Variants in PDZRN3 observed in about 807,000 individuals in gnomAD.
The protein encoded by PDZRN3 is E3 ubiquitin-protein ligase PDZRN3.
In PDZRN3, 38 loss-of-function variants were observed where a neutral mutation model predicts 85.7. The ratio of observed to expected loss-of-function variants is 0.44; its 90% CI spans 0.34 to 0.58. PDZRN3 has a LOEUF of 0.58. Ranked by LOEUF, PDZRN3 falls within the 20% of genes least tolerant of loss-of-function variation. The probability of loss-of-function intolerance (pLI) is 0.01; values close to 1 mark genes in which losing one functional copy is unlikely to be tolerated. For synonymous variants in PDZRN3, 759 were observed against 638.0 expected (o/e 1.19, Z -2.86); for missense variants, 1,629 against 1,506.4 (o/e 1.08, Z -1.35).
chr3:73,531,856 T>C (rs1448441781), intron 3 of PDZRN3, among the ~76,000 whole-genome samples: 1 of 152,130 alleles, frequency 6.6e-6, no homozygotes, highest in Non-Finnish European at 1.5e-5. Context: ...AGCACATACA[T>C]CTCCACCCAA....
intron 3 of PDZRN3, among the ~76,000 whole-genome samples, chr3:73,597,145 T>A (rs1702441126): frequency 6.6e-6 from 1 of 152,162 alleles, no homozygotes; most frequent in South Asian, 2.1e-4. Context: ...TAATTCACAT[T>A]CCATTTTGCA....
At chr3:73,506,331 A>T (rs1704070148) in intron 3 of PDZRN3, among the ~76,000 whole-genome samples, 1 of 152,194 alleles carries the variant, frequency 6.6e-6, no homozygotes, top group African/African-American at 2.4e-5. Flanking sequence ...GAAAAGGCAA[A>T]CCATATTCAG....
intron 3 of PDZRN3, among the ~76,000 whole-genome samples, chr3:73,516,626 A>G (rs369983739): frequency 1.9e-4 from 29 of 152,334 alleles, no homozygotes; most frequent in African/African-American, 6.5e-4. Context: ...TTATATAGTC[A>G]AATGACCAAT....
At position 73,391,134 on chromosome 3, in the gene PDZRN3, T is replaced by C. The variant is rs372927410; in HGVS notation, c.1255-18A>G. 8 of 1,519,664 alleles carry C rather than the reference T, an allele frequency of 5.3e-6. No homozygotes were observed. The highest frequency in any genetic ancestry group is 7.3e-6 in the Non-Finnish European group (8 of 1,095,454). 94.1% of individuals were successfully genotyped at this position (1,519,664 alleles called of 1,614,324 possible). A position where few individuals can be genotyped will look rare whatever the true frequency, so the allele number is the denominator to read the frequency against. On this transcript the variant is annotated intron_variant, in intron 5 of 9. Transcript: ENST00000263666. ...TCCACTTCCTAGACAAAGAAAGGCA[T>C]TCCCAGTGAGACTCCAGCAGGCAAT...
chr3:73,385,144 C>T (rs1029182323), intron 9 of PDZRN3, among the ~76,000 whole-genome samples: 4 of 152,188 alleles, frequency 2.6e-5, no homozygotes, highest in African/African-American at 9.6e-5. Flanking sequence ...TTCTTGTCCT[C>T]AGTTTTGTAA....
intron 3 of PDZRN3, chr3:73,407,927 G>A: frequency 1.7e-6 from 1 of 574,170 alleles, no homozygotes; most frequent in East Asian, 2.9e-5. Context: ...GGTTACAGAG[G>A]GAAGAGCAGT....
chr3:73,395,930 A>G (rs1482726619), intron 5 of PDZRN3, among the ~76,000 whole-genome samples: 1 of 152,214 alleles, frequency 6.6e-6, no homozygotes, highest in African/African-American at 2.4e-5. Context: ...AAAGACAAGA[A>G]GTAAATAATG....
intron 3 of PDZRN3, among the ~76,000 whole-genome samples, chr3:73,597,338 G>A (rs1395981906): frequency 1.3e-5 from 2 of 152,110 alleles, no homozygotes; most frequent in Non-Finnish European, 2.9e-5. Flanking sequence ...CAAAAAAAGA[G>A]AATGACCGGT....
chr3:73,515,468 G>A (rs1415910300), intron 3 of PDZRN3, among the ~76,000 whole-genome samples: 6 of 152,056 alleles, frequency 3.9e-5, no homozygotes, highest in African/African-American at 1.2e-4. Context: ...GAGCCACCAC[G>A]CCCGGCCCAA....
At chr3:73,484,586 G>C (rs1360139120) in intron 3 of PDZRN3, among the ~76,000 whole-genome samples, 1 of 152,200 alleles carries the variant, frequency 6.6e-6, no homozygotes, top group Non-Finnish European at 1.5e-5. Context: ...AGAAAAGAAA[G>C]CTGCAGCAGA....
chr3:73,599,455 G>A (rs1469837276), intron 3 of PDZRN3, among the ~76,000 whole-genome samples: 1 of 152,220 alleles, frequency 6.6e-6, no homozygotes, highest in Non-Finnish European at 1.5e-5. Flanking sequence ...TTTAGTGAGT[G>A]TAGAGTTTCA....
chr3:73,573,525 C>T (rs1032353222), intron 3 of PDZRN3, among the ~76,000 whole-genome samples: 1 of 152,132 alleles, frequency 6.6e-6, no homozygotes, highest in Non-Finnish European at 1.5e-5. Context: ...TCACATATTG[C>T]CTGTAACTGC....
intron 3 of PDZRN3, among the ~76,000 whole-genome samples, chr3:73,566,268 C>A (rs1211611895): frequency 2.0e-5 from 3 of 152,156 alleles, no homozygotes; most frequent in African/African-American, 7.2e-5. Context: ...CAGAAAACCT[C>A]AGCGATAAAC....
intron 3 of PDZRN3, among the ~76,000 whole-genome samples, chr3:73,544,593 TAAAC>T (rs1202433947): frequency 3.3e-5 from 5 of 152,168 alleles, no homozygotes; most frequent in Admixed American, 6.5e-5. Flanking sequence ...ATTTGAATGA[TAAAC>T]AAACATTCAA....
chr3:73,423,286 C>T (rs1702238958), intron 3 of PDZRN3, among the ~76,000 whole-genome samples: 1 of 152,192 alleles, frequency 6.6e-6, no homozygotes, highest in Non-Finnish European at 1.5e-5. Flanking sequence ...GTGCATGTCA[C>T]TTCTAATGTT....
At chr3:73,445,511 G>C (rs904355309) in intron 3 of PDZRN3, among the ~76,000 whole-genome samples, 6 of 152,112 alleles carry the variant, frequency 3.9e-5, no homozygotes, top group African/African-American at 1.4e-4. Context: ...GTACCTATAA[G>C]GTTCATGTGC....
chr3:73,434,278 T>C (rs1559677756), intron 3 of PDZRN3, among the ~76,000 whole-genome samples: 1 of 152,252 alleles, frequency 6.6e-6, no homozygotes, highest in Non-Finnish European at 1.5e-5. Flanking sequence ...GAAATTCATT[T>C]TTAAATATAT....
At chr3:73,427,429 T>C (rs1046636835) in intron 3 of PDZRN3, among the ~76,000 whole-genome samples, 5 of 152,108 alleles carry the variant, frequency 3.3e-5, no homozygotes, top group African/African-American at 4.8e-5. Flanking sequence ...TTTTGTGCAT[T>C]ACCCACCCCC....
At chr3:73,578,225 A>G (rs1019653315) in intron 3 of PDZRN3, among the ~76,000 whole-genome samples, 1 of 144,274 alleles carries the variant, frequency 6.9e-6, no homozygotes, top group African/African-American at 2.6e-5. Flanking sequence ...GTGCGAGTGC[A>G]GTGGCACGAT....
Sources: gnomAD v4.1 joint callset for allele counts (sites outside exome capture counted in the v4.1 genomes callset) on GRCh38, gnomAD v4.1.1 for gene constraint, MANE v1.5 for transcripts, NCBI Gene and HGNC (gene_info 2026-07-23, HGNC 2026-07-21) for gene names.